NTRK2: variants seen among roughly 807,000 people sequenced by gnomAD.
The protein encoded by NTRK2 is BDNF/NT-3 growth factors receptor.
Under a neutral mutation model 94.5 loss-of-function variants are expected in NTRK2, and 13 were observed. The ratio of observed to expected loss-of-function variants is 0.14; its 90% CI spans 0.09 to 0.22. NTRK2 has a LOEUF of 0.22. Ranked by LOEUF, NTRK2 falls within the 10% of genes least tolerant of loss-of-function variation. NTRK2 has a pLI of 1.00. For synonymous variants in NTRK2, 372 were observed against 407.4 expected, an observed-to-expected ratio of 0.91 and a Z score of 1.05; for missense variants, 639 against 1,071.2, an observed-to-expected ratio of 0.60 and a Z score of 5.63.
intron 12 of NTRK2, among the ~76,000 whole-genome samples, chr9:84,847,561 T>C (rs1379572369): frequency 2.0e-5 from 3 of 152,198 alleles, no homozygotes; most frequent in Non-Finnish European, 4.4e-5. Context: ...CCACTCTTGA[T>C]GCTATATCCT....
chr9:84,994,238 G>T (rs187069664), intron 17 of NTRK2, among the ~76,000 whole-genome samples: 29 of 152,194 alleles, frequency 1.9e-4, no homozygotes, highest in South Asian at 6.2e-4. Flanking sequence ...GAGCTATGTT[G>T]AGATTATTTG....
At chr9:84,818,687 A>C (rs1020942997) in intron 12 of NTRK2, among the ~76,000 whole-genome samples, 1 of 152,134 alleles carries the variant, frequency 6.6e-6, no homozygotes, top group Non-Finnish European at 1.5e-5. Context: ...CTTCAGGTGA[A>C]TTTTCTCATC....
At chr9:85,017,515 G>A (rs898536823) in intron 17 of NTRK2, among the ~76,000 whole-genome samples, 1 of 152,142 alleles carries the variant, frequency 6.6e-6, no homozygotes, top group Non-Finnish European at 1.5e-5. Flanking sequence ...ATTTTTAGCT[G>A]TCTTACCTGA....
chr9:84,884,227 A>G (rs1213495301), intron 14 of NTRK2, among the ~76,000 whole-genome samples: 1 of 152,248 alleles, frequency 6.6e-6, no homozygotes, highest in African/African-American at 2.4e-5. Context: ...TAATAAAACT[A>G]TCAGAGCTGC....
intron 14 of NTRK2, chr9:84,875,161 G>C (rs200763166): frequency 9.4e-7 from 1 of 1,059,266 alleles, no homozygotes; most frequent in African/African-American, 1.6e-5. Context: ...GACCATATGT[G>C]TCCTTGCATT....
rs2131695386 is a variant in NTRK2 at position 84,702,362 on chromosome 9, C to G, written c.302C>G (p.Ser101Cys). Reference sequence around the variant, plus strand: ...TGTTTTCACAGGACAATTGTGGATTCTGGATTAAAATTTGTGGCTCATAAA... The same window carrying G: ...TGTTTTCACAGGACAATTGTGGATTGTGGATTAAAATTTGTGGCTCATAAA... ...VGLRNLTIVDSGLKFVAHKAF... is the reference protein window; with the variant it reads ...VGLRNLTIVDCGLKFVAHKAF... The change falls in exon 4 of 19, where the codon TCT (serine) becomes TGT (cysteine). Residue 101 changes from serine (S) to cysteine (C), a missense_variant. By Grantham distance (112) the Ser-to-Cys change is moderately radical (BLOSUM62 -1). Transcript: ENST00000277120. The G allele has an allele frequency of 1.2e-6, 2 of 1,614,130 alleles. No individual in the cohort carries two copies. Among genetic ancestry groups the G allele is most frequent in the Non-Finnish European group, 1.7e-6 (2 of 1,180,006 alleles).
chr9:84,838,818 G>A (rs2074016434), intron 12 of NTRK2, among the ~76,000 whole-genome samples: 1 of 151,900 alleles, frequency 6.6e-6, no homozygotes. Flanking sequence ...GATAATTCTG[G>A]ACTTTAAAAT....
chr9:84,692,468 CTTTTTTTTTTT>C (rs71369138), intron 2 of NTRK2, among the ~76,000 whole-genome samples: 5 of 87,698 alleles, frequency 5.7e-5, no homozygotes, highest in Admixed American at 4.3e-4. Flanking sequence ...TTCTTTTTTT[CTTTTTTTTTTT>C]TTTTTTTTTG....
chr9:84,905,288 G>T (rs1232861642), intron 14 of NTRK2, among the ~76,000 whole-genome samples: 1 of 151,962 alleles, frequency 6.6e-6, no homozygotes, highest in Non-Finnish European at 1.5e-5. Flanking sequence ...GTGTGTGTGT[G>T]TGTGTGTGTG....
chr9:84,946,957 TTTTA>T (rs1345410358), intron 15 of NTRK2, among the ~76,000 whole-genome samples: 1 of 152,096 alleles, frequency 6.6e-6, no homozygotes, highest in Non-Finnish European at 1.5e-5. Context: ...CTCTCTTTGC[TTTTA>T]TTTATTTATT....
intron 12 of NTRK2, among the ~76,000 whole-genome samples, chr9:84,773,643 C>T (rs377605913): frequency 8.5e-5 from 13 of 152,212 alleles, no homozygotes; most frequent in African/African-American, 2.4e-4. Context: ...GTCTGAAGTT[C>T]GCTGTAGGAA....
At chr9:84,706,214 G>A (rs879004430) in intron 4 of NTRK2, among the ~76,000 whole-genome samples, 1 of 140,072 alleles carries the variant, frequency 7.1e-6, no homozygotes, top group South Asian at 2.5e-4. Context: ...GAAGATGCAC[G>A]CCTAGGAGGA....
intron 8 of NTRK2, among the ~76,000 whole-genome samples, chr9:84,727,128 A>G (rs979919087): frequency 7.2e-5 from 11 of 152,238 alleles, no homozygotes; most frequent in African/African-American, 2.7e-4. Context: ...ATTCATCATC[A>G]GCAGCAACAT....
At chr9:84,846,048 T>C (rs975303662) in intron 12 of NTRK2, among the ~76,000 whole-genome samples, 1 of 152,192 alleles carries the variant, frequency 6.6e-6, no homozygotes, top group African/African-American at 2.4e-5. Flanking sequence ...TTGGGTTGAA[T>C]AAGCCCAAGG....
chr9:85,009,916 G>T (rs1366408249), intron 17 of NTRK2, among the ~76,000 whole-genome samples: 1 of 152,172 alleles, frequency 6.6e-6, no homozygotes, highest in African/African-American at 2.4e-5. Flanking sequence ...CCAGCTGAGA[G>T]GAAAGAAGAA....
chr9:84,842,383 A>G (rs561122677), intron 12 of NTRK2, among the ~76,000 whole-genome samples: 9 of 152,148 alleles, frequency 5.9e-5, no homozygotes, highest in Non-Finnish European at 8.8e-5. Flanking sequence ...TTAAGGCACT[A>G]TGTGAGAATC....
rs966400597 is a variant in NTRK2, at chr9:85,023,864, A to G, written c.*2427A>G. 4.4e-6 allele frequency: 1 copy of G among 229,462 alleles called. No homozygotes were observed. Among genetic ancestry groups the G allele is most frequent in the African/African-American group, 2.2e-5 (1 of 45,272 alleles). 14.2% of individuals were successfully genotyped at this position (229,462 alleles called of 1,614,324 possible). ...GGAAAAGCTACAAGTTATTTATTTT[A>G]TTTTAAGAGAATAAAGTAGGTAATA... is the stretch of plus-strand genomic sequence containing the variant. On this transcript the variant is annotated 3_prime_UTR_variant, in exon 19 of 19. Transcript: ENST00000277120.
At chr9:84,811,176 T>C in intron 12 of NTRK2, 4 of 1,062,456 alleles carry the variant, frequency 3.8e-6, no homozygotes, top group South Asian at 9.1e-5. Context: ...GGTAGTATTA[T>C]TAAAAGGTTA....
chr9:84,999,036 C>T (rs747602557), intron 17 of NTRK2, among the ~76,000 whole-genome samples: 5 of 152,218 alleles, frequency 3.3e-5, no homozygotes, highest in Non-Finnish European at 5.9e-5. Context: ...GCATCTTCTG[C>T]ACACTCTTTA....
Sources: allele counts gnomAD v4.1 joint callset (sites outside exome capture counted in the v4.1 genomes callset), GRCh38; gene constraint gnomAD v4.1.1; transcripts MANE v1.5; gene names NCBI Gene and HGNC (gene_info 2026-07-23, HGNC 2026-07-21).